Variants in ZSCAN4 observed in about 807,000 individuals in gnomAD.
ZSCAN4 encodes zinc finger and SCAN domain containing 4.
ZSCAN4 carries 18 observed loss-of-function variants against 18.3 expected under a neutral mutation model. That is an observed-to-expected ratio of 0.98 (90% CI 0.68 to 1.46). The LOEUF is 1.46. ZSCAN4 is among the 40% of genes most tolerant of loss of function. The pLI is 0.00. For missense variants in ZSCAN4, 498 were observed against 511.4 expected (o/e 0.97, Z 0.25); for synonymous variants, 193 against 180.3 (o/e 1.07, Z -0.57).
exon 5 of ZSCAN4, chr19:57,679,019 T>C: frequency 5.6e-6 from 7 of 1,257,628 alleles, no homozygotes; most frequent in Non-Finnish European, 7.3e-6. Flanking sequence ...ATTTATTGTC[T>C]TGCTTCATTA....
chr19:57,663,217 T>C, the ZSCAN4 span, among the ~76,000 whole-genome samples: 1 of 151,466 alleles, frequency 6.6e-6, no homozygotes, highest in South Asian at 2.1e-4. Flanking sequence ...TATTCTTCAC[T>C]TTGAATCCCA....
At chr19:57,675,913 AGTT>A in intron 2 of ZSCAN4, 125 bp from the exon 3 acceptor site, 1 of 428,920 alleles carries the variant, frequency 2.3e-6, no homozygotes, top group South Asian at 4.2e-5. Flanking sequence ...GCTCTGGGAG[AGTT>A]TATGTTAAGT....
exon 3 of ZSCAN4, chr19:57,676,425 A>G (rs146211853): frequency 4.3e-6 from 7 of 1,614,216 alleles, no homozygotes; most frequent in Non-Finnish European, 5.1e-6. Flanking sequence ...GCAGTTTATG[A>G]TTGGTGGCCA....
At chr19:57,652,880 G>C in the ZSCAN4 span, among the ~76,000 whole-genome samples, 33 of 152,122 alleles carry the variant, frequency 2.2e-4, no homozygotes, top group African/African-American at 7.7e-4. Context: ...TCAATCTTAT[G>C]ACCTAATCTG....
the ZSCAN4 span, among the ~76,000 whole-genome samples, chr19:57,655,013 A>G: frequency 6.6e-6 from 1 of 152,178 alleles, no homozygotes; most frequent in Non-Finnish European, 1.5e-5. Flanking sequence ...TTCAGCTTCT[A>G]AACTTTCTCC....
chr19:57,669,355 A>G, intron 1 of ZSCAN4, among the ~76,000 whole-genome samples, 152 bp downstream of exon 1: 1 of 149,892 alleles, frequency 6.7e-6, no homozygotes, highest in Non-Finnish European at 1.5e-5. Flanking sequence ...CACCACACCC[A>G]GCCTGTCTTT....
chr19:57,673,963 A>G (rs1475621910), intron 2 of ZSCAN4, among the ~76,000 whole-genome samples: 2 of 152,142 alleles, frequency 1.3e-5, no homozygotes, highest in African/African-American at 4.8e-5. Context: ...CATGTTGGCA[A>G]GGCTGGTCTT....
chr19:57,662,640 C>G, the ZSCAN4 span, among the ~76,000 whole-genome samples: 19 of 152,178 alleles, frequency 1.2e-4, no homozygotes, highest in African/African-American at 4.6e-4. Context: ...CAGCTCACTG[C>G]AGCCTCCTCC....
chr19:57,676,248 AGAG>A, exon 3 of ZSCAN4: 2 of 1,614,198 alleles, frequency 1.2e-6, no homozygotes, highest in South Asian at 2.2e-5. Context: ...TGCTGTTCAG[AGAG>A]AAGAAGGGAT....
chr19:57,664,112 CAG>C (rs1397908752), upstream of ZSCAN4, among the ~76,000 whole-genome samples: 5 of 150,130 alleles, frequency 3.3e-5, no homozygotes, highest in East Asian at 9.8e-4. Context: ...GCCTGGGCGA[CAG>C]AGAGAGTCTC....
chr19:57,672,971 C>G (rs998038234), intron 2 of ZSCAN4, among the ~76,000 whole-genome samples: 1 of 152,086 alleles, frequency 6.6e-6, no homozygotes, highest in Non-Finnish European at 1.5e-5. Context: ...GCCACCATGC[C>G]GTACATCAGA....
chr19:57,663,520 T>TAAAAAAAAAA, the ZSCAN4 span, among the ~76,000 whole-genome samples: 3 of 66,548 alleles, frequency 4.5e-5, no homozygotes, highest in Admixed American at 2.1e-4. Flanking sequence ...ACCATGTCTC[T>TAAAAAAAAAA]AAAAAAAAAA....
chr19:57,675,351 T>G (rs915698920), intron 2 of ZSCAN4, among the ~76,000 whole-genome samples: 2 of 152,100 alleles, frequency 1.3e-5, no homozygotes, highest in Non-Finnish European at 2.9e-5. Context: ...TTTCACCATA[T>G]TGGTCAGGCT....
chr19:57,672,434 A>G (rs1056407808), intron 2 of ZSCAN4, among the ~76,000 whole-genome samples: 3 of 152,020 alleles, frequency 2.0e-5, no homozygotes, highest in South Asian at 4.1e-4. Flanking sequence ...TATTTCATTC[A>G]CTTCTTTCTC....
intron 2 of ZSCAN4, among the ~76,000 whole-genome samples, 186 bp downstream of exon 2, chr19:57,670,753 G>T (rs114769559): frequency 0.022 from 3,303 of 152,156 alleles, 131 homozygotes; most frequent in African/African-American, 0.075. Context: ...ATGGTCTTTT[G>T]TTACAACAGC....
chr19:57,678,779 A>C (rs1280567529), exon 5 of ZSCAN4: 20 of 1,614,178 alleles, frequency 1.2e-5, no homozygotes, highest in Non-Finnish European at 1.6e-5. Context: ...TCCACACAGG[A>C]GAAAAGCCTT....
At chr19:57,674,953 CAA>C (rs915831327) in intron 2 of ZSCAN4, among the ~76,000 whole-genome samples, 2 of 134,724 alleles carry the variant, frequency 1.5e-5, no homozygotes, top group East Asian at 2.2e-4. Flanking sequence ...TTTTTCACAT[CAA>C]GTTTTTTTTT....
At chr19:57,678,348 G>C in exon 5 of ZSCAN4, 1 of 1,614,178 alleles carries the variant, frequency 6.2e-7, no homozygotes, top group Non-Finnish European at 8.5e-7. Context: ...AGCAGAGCTA[G>C]TCACTGCTAG....
At chr19:57,664,165 A>AAGGAAGGG (rs3054083), upstream of ZSCAN4, 25,614 of 149,562 alleles carry the variant, frequency 0.17, 2,310 homozygotes, top group East Asian at 0.27. Flanking sequence ...AAGAGAAAGG[A>AAGGAAGGG]AGGAAGGGAG....
Sources: gnomAD v4.1 joint callset for allele counts (sites outside exome capture counted in the v4.1 genomes callset) on GRCh38, gnomAD v4.1.1 for gene constraint, MANE v1.5 for transcripts, NCBI Gene and HGNC (gene_info 2026-07-23, HGNC 2026-07-21) for gene names.